Variants in CYP7B1 observed in about 807,000 individuals in gnomAD.
The protein encoded by CYP7B1 is cytochrome P450 family 7 subfamily B member 1, also known as cytochrome P450 7B1.
A neutral mutation model predicts 42.7 loss-of-function variants in CYP7B1; 29 were observed. The ratio of observed to expected loss-of-function variants is 0.68; its 90% CI spans 0.51 to 0.93. The LOEUF (loss-of-function observed/expected upper bound fraction) is 0.93. Ranked by LOEUF, CYP7B1 falls within the 40% of genes least tolerant of loss-of-function variation. The pLI, the probability that CYP7B1 is intolerant of heterozygous loss-of-function variation, is 0.00. For missense variants in CYP7B1, 655 were observed against 600.5 expected (o/e 1.09, Z -0.95); for synonymous variants, 235 against 218.2 (o/e 1.08, Z -0.68).
chr8:64,669,477 C>G (rs563548974), intron 1 of CYP7B1, among the ~76,000 whole-genome samples: 1 of 151,996 alleles, frequency 6.6e-6, no homozygotes, highest in Non-Finnish European at 1.5e-5. Context: ...AATAAAAGGG[C>G]TTTTCACTTT....
chr8:64,619,775 C>G (rs565297761), intron 2 of CYP7B1, among the ~76,000 whole-genome samples: 116 of 152,216 alleles, frequency 7.6e-4, no homozygotes, highest in African/African-American at 2.8e-3. Flanking sequence ...TTTAAAAATT[C>G]AGTCATTCAC....
intron 1 of CYP7B1, among the ~76,000 whole-genome samples, chr8:64,643,992 C>T (rs558332417): frequency 1.8e-4 from 27 of 152,216 alleles, no homozygotes; most frequent in Admixed American, 1.4e-3. Flanking sequence ...ATAAGAATGG[C>T]GGCCAGGCGC....
chr8:64,689,357 C>T (rs1352539006), intron 1 of CYP7B1, among the ~76,000 whole-genome samples: 5 of 152,188 alleles, frequency 3.3e-5, no homozygotes, highest in African/African-American at 1.2e-4. Context: ...ATGGCAGGCA[C>T]CATAAGTGCC....
At chr8:64,612,424 G>A (rs968831342) in intron 4 of CYP7B1, among the ~76,000 whole-genome samples, 2 of 151,960 alleles carry the variant, frequency 1.3e-5, no homozygotes, top group Non-Finnish European at 2.9e-5. Context: ...AACAAGATAC[G>A]TAAATATATA....
intron 2 of CYP7B1, among the ~76,000 whole-genome samples, chr8:64,617,076 T>C (rs910225265): frequency 6.6e-6 from 1 of 152,126 alleles, no homozygotes; most frequent in African/African-American, 2.4e-5. Flanking sequence ...AAACACAGCA[T>C]AAGGAAAGCA....
chr8:64,775,152 T>TA (rs140515279), intron 1 of CYP7B1, among the ~76,000 whole-genome samples: 60 of 150,786 alleles, frequency 4.0e-4, no homozygotes, highest in East Asian at 2.3e-3. Flanking sequence ...ATAAATTCCA[T>TA]AAAAAAAAAC....
At chr8:64,777,508 A>G (rs1363235633) in intron 1 of CYP7B1, among the ~76,000 whole-genome samples, 2 of 152,142 alleles carry the variant, frequency 1.3e-5, no homozygotes, top group South Asian at 2.1e-4. Flanking sequence ...AAATCTGAGT[A>G]GCAAAATATG....
Position 64,596,283 on chromosome 8 carries a change from T to G in CYP7B1, c.*359A>C, listed in dbSNP as rs1040620304. The stretch of plus-strand genomic sequence containing the variant: ...TTTTCTAGTAGTTCAAAGTGTAATT[T>G]TACATATTAGAGAACAATTTGAGTG... On this transcript the variant is annotated 3_prime_UTR_variant, in exon 6 of 6. Transcript: ENST00000310193. 50 of 179,184 alleles carry G rather than the reference T, an allele frequency of 2.8e-4. No individual in the cohort carries two copies. The highest frequency in any genetic ancestry group is 1.2e-3 in the African/African-American group (49 of 41,952). The allele number at this position is 179,184 out of a possible 1,614,324, so 11.1% of individuals were successfully genotyped here. A position where few individuals can be genotyped will look rare whatever the true frequency, so the allele number is the denominator to read the frequency against.
At chr8:64,714,421 C>T (rs768797835) in intron 1 of CYP7B1, among the ~76,000 whole-genome samples, 4 of 152,180 alleles carry the variant, frequency 2.6e-5, no homozygotes, top group Non-Finnish European at 5.9e-5. Flanking sequence ...TGGACTAAAT[C>T]AGCAGGAAAA....
intron 1 of CYP7B1, among the ~76,000 whole-genome samples, chr8:64,640,255 T>C (rs1805833295): frequency 2.0e-5 from 3 of 152,156 alleles, no homozygotes. Flanking sequence ...ATTTGCCTAA[T>C]TGTACACTTA....
intron 2 of CYP7B1, among the ~76,000 whole-genome samples, chr8:64,618,726 A>G (rs1805485528): frequency 6.6e-6 from 1 of 152,194 alleles, no homozygotes; most frequent in South Asian, 2.1e-4. Context: ...TTGAATGTGG[A>G]CAAAATGGTT....
intron 1 of CYP7B1, among the ~76,000 whole-genome samples, chr8:64,626,164 G>A (rs187954622): frequency 1.5e-3 from 235 of 152,248 alleles, no homozygotes; most frequent in Middle Eastern, 6.8e-3. Flanking sequence ...ATGAAACTAT[G>A]TAAGGACAAG....
At chr8:64,648,685 T>C (rs1247028849) in intron 1 of CYP7B1, among the ~76,000 whole-genome samples, 1 of 152,224 alleles carries the variant, frequency 6.6e-6, no homozygotes, top group African/African-American at 2.4e-5. Context: ...TTGTATTTCC[T>C]TGTGATGATA....
intron 1 of CYP7B1, among the ~76,000 whole-genome samples, chr8:64,693,319 G>A (rs761452769): frequency 2.6e-5 from 4 of 152,212 alleles, no homozygotes; most frequent in Non-Finnish European, 5.9e-5. Flanking sequence ...GTGTGTGTGT[G>A]CGGGTATGTA....
At chr8:64,792,332 C>T (rs768770664) in intron 1 of CYP7B1, among the ~76,000 whole-genome samples, 16 of 152,130 alleles carry the variant, frequency 1.1e-4, no homozygotes, top group Non-Finnish European at 2.1e-4. Context: ...TTTGGGAAAT[C>T]GTCCACCTAT....
At chr8:64,773,591 T>C (rs1047246082) in intron 1 of CYP7B1, among the ~76,000 whole-genome samples, 1 of 152,246 alleles carries the variant, frequency 6.6e-6, no homozygotes, top group Admixed American at 6.5e-5. Context: ...CCTCATCTTC[T>C]TATACTGTCT....
chr8:64,650,477 G>A (rs1159464867), intron 1 of CYP7B1, among the ~76,000 whole-genome samples: 2 of 151,886 alleles, frequency 1.3e-5, no homozygotes, highest in Admixed American at 6.6e-5. Flanking sequence ...ATGAGACCCC[G>A]TCTCTACCAA....
intron 5 of CYP7B1, among the ~76,000 whole-genome samples, chr8:64,602,812 A>C (rs1805222293): frequency 6.6e-6 from 1 of 152,220 alleles, no homozygotes. Flanking sequence ...ACTTATTGCC[A>C]TATGAAGTTG....
chr8:64,746,865 G>T (rs1807650937), intron 1 of CYP7B1, among the ~76,000 whole-genome samples: 2 of 151,910 alleles, frequency 1.3e-5, no homozygotes, highest in African/African-American at 4.8e-5. Flanking sequence ...ACTACCTTCT[G>T]TGGAATGTAT....
Sources: gnomAD v4.1 joint callset for allele counts (sites outside exome capture counted in the v4.1 genomes callset) on GRCh38, gnomAD v4.1.1 for gene constraint, MANE v1.5 for transcripts, NCBI Gene and HGNC (gene_info 2026-07-23, HGNC 2026-07-21) for gene names.